Variants in ST6GAL2 observed in about 807,000 individuals in gnomAD.
ST6GAL2 encodes the protein ST6 beta-galactoside alpha-2,6-sialyltransferase 2, also known as beta-galactoside alpha-2,6-sialyltransferase 2.
In ST6GAL2, 24 loss-of-function variants were observed where a neutral mutation model predicts 37.5. The observed-to-expected ratio is 0.64, with a 90% CI of 0.46 to 0.90. ST6GAL2 has a LOEUF of 0.90. Among genes scored for constraint, ST6GAL2 ranks in the 40% least tolerant of loss-of-function variants. ST6GAL2 has a pLI of 0.00. For missense variants in ST6GAL2, 715 were observed against 712.7 expected, an observed-to-expected ratio of 1.00 and a Z score of -0.04; for synonymous variants, 306 against 295.1, an observed-to-expected ratio of 1.04 and a Z score of -0.38.
intron 2 of ST6GAL2, among the ~76,000 whole-genome samples, chr2:106,836,905 T>C (rs1484036280): frequency 1.2e-4 from 16 of 136,580 alleles, no homozygotes; most frequent in Admixed American, 5.6e-4. Context: ...GATTGCACCA[T>C]TACACTACAA....
chr2:106,879,982 CAT>C (rs1349950189), intron 1 of ST6GAL2, among the ~76,000 whole-genome samples: 7 of 148,382 alleles, frequency 4.7e-5, no homozygotes, highest in Non-Finnish European at 1.0e-4. Context: ...ATTATATACA[CAT>C]ATAGACCAAT....
At chr2:106,857,856 G>A (rs530945166) in intron 1 of ST6GAL2, among the ~76,000 whole-genome samples, 18 of 152,220 alleles carry the variant, frequency 1.2e-4, no homozygotes, top group Admixed American at 2.0e-4. Flanking sequence ...ACAATGCCTC[G>A]CTGCTGACAA....
At chr2:106,817,806 A>C (rs1675858146) in intron 5 of ST6GAL2, among the ~76,000 whole-genome samples, 1 of 152,190 alleles carries the variant, frequency 6.6e-6, no homozygotes, top group South Asian at 2.1e-4. Context: ...CTCACACAGC[A>C]CTTCTTGACC....
chr2:106,830,190 A>C lies in ST6GAL2; in HGVS notation c.1194T>G (p.Arg398=). The change falls in exon 5 of 6, where the codon CGT becomes CGG. Residue 398 remains arginine (R), a synonymous_variant. Transcript: ENST00000409382. ...YNLFTPYIQH[R]QRNPNQPFYI... ...AAAATGGCTGATTTGGGTTTCTCTG[A>C]CGATGCTGAATATATGGAGTGAACA... 1.9e-6 allele frequency: 3 copies of C among 1,613,866 alleles called. No homozygotes were observed. Among genetic ancestry groups the C allele is most frequent in the South Asian group, 2.2e-5 (2 of 91,082 alleles).
chr2:106,883,452 A>C (rs1678833070), intron 1 of ST6GAL2, among the ~76,000 whole-genome samples: 1 of 152,196 alleles, frequency 6.6e-6, no homozygotes, highest in Non-Finnish European at 1.5e-5. Flanking sequence ...TGATATCAAA[A>C]ATTGGTGTAA....
At chr2:106,829,473 G>C (rs1167031660) in intron 5 of ST6GAL2, among the ~76,000 whole-genome samples, 1 of 152,186 alleles carries the variant, frequency 6.6e-6, no homozygotes, top group Non-Finnish European at 1.5e-5. Context: ...CAGCTGAGCT[G>C]GGCCTTTAGC....
intron 1 of ST6GAL2, among the ~76,000 whole-genome samples, chr2:106,879,449 C>A (rs1442042899): frequency 1.3e-5 from 2 of 152,060 alleles, no homozygotes; most frequent in Non-Finnish European, 2.9e-5. Flanking sequence ...CTTAAAGGCA[C>A]CCCATGAATG....
intron 1 of ST6GAL2, among the ~76,000 whole-genome samples, chr2:106,884,138 A>C (rs904326255): frequency 3.9e-5 from 6 of 152,254 alleles, no homozygotes; most frequent in African/African-American, 1.2e-4. Flanking sequence ...GGGGGGTGGA[A>C]CCTCCAGAAA....
At position 106,832,580 on chromosome 2, in the gene ST6GAL2, G is replaced by A. The variant is rs201484010; in HGVS notation, c.1128C>T (p.Ser376=). The A allele has an allele frequency of 8.6e-5, 136 of 1,581,976 alleles. 1 individual carries two copies. Among genetic ancestry groups the A allele is most frequent in the Non-Finnish European group, 1.0e-4 (121 of 1,164,784 alleles). The part of the protein sequence containing the change: ...ILVAWDPAPY[S]ANLNLWYKKP... ...AAACACTTACCAGGTTAAGATTTGCGGAATATGGGGCAGGGTCCCAGGCCA... is the reference window on the plus strand; with the variant it reads ...AAACACTTACCAGGTTAAGATTTGCAGAATATGGGGCAGGGTCCCAGGCCA... The change falls in exon 4 of 6, where the codon TCC becomes TCT. Residue 376 remains serine, a synonymous_variant. Transcript: ENST00000409382.
At chr2:106,857,029 A>T (rs185842383) in intron 1 of ST6GAL2, among the ~76,000 whole-genome samples, 58 of 152,296 alleles carry the variant, frequency 3.8e-4, no homozygotes, top group Admixed American at 1.1e-3. Context: ...AAAGTCATAG[A>T]CAGGTAAGCA....
intron 5 of ST6GAL2, among the ~76,000 whole-genome samples, chr2:106,828,728 G>A (rs889970026): frequency 6.6e-6 from 1 of 152,030 alleles, no homozygotes; most frequent in Non-Finnish European, 1.5e-5. Context: ...ATTAAAACTG[G>A]GGAAGAGAAC....
At chr2:106,879,755 C>T (rs1678665915) in intron 1 of ST6GAL2, among the ~76,000 whole-genome samples, 1 of 146,936 alleles carries the variant, frequency 6.8e-6, no homozygotes. Flanking sequence ...ATTATATATA[C>T]ATATAGACCA....
At chr2:106,840,181 T>G (rs1676818809) in intron 2 of ST6GAL2, among the ~76,000 whole-genome samples, 1 of 152,196 alleles carries the variant, frequency 6.6e-6, no homozygotes, top group Non-Finnish European at 1.5e-5. Context: ...TGCCTTCAAT[T>G]TTTCATAAGA....
chr2:106,849,516 C>T (rs981706816), intron 1 of ST6GAL2, among the ~76,000 whole-genome samples: 3 of 152,190 alleles, frequency 2.0e-5, no homozygotes, highest in Admixed American at 6.5e-5. Flanking sequence ...AAATATATTT[C>T]TTTGACATAT....
intron 1 of ST6GAL2, among the ~76,000 whole-genome samples, chr2:106,867,603 C>CT (rs377253295): frequency 1.2e-3 from 186 of 151,516 alleles, no homozygotes; most frequent in African/African-American, 3.8e-3. Context: ...AGTCCTTCTG[C>CT]TTTTTTTTTC....
chr2:106,841,865 C>G (rs1486654359), intron 2 of ST6GAL2, among the ~76,000 whole-genome samples: 2 of 152,226 alleles, frequency 1.3e-5, no homozygotes, highest in Non-Finnish European at 2.9e-5. Flanking sequence ...TACTTGAAAA[C>G]TAGGAAGAAA....
chr2:106,874,756 C>G (rs1678430051), intron 1 of ST6GAL2, among the ~76,000 whole-genome samples: 1 of 152,186 alleles, frequency 6.6e-6, no homozygotes, highest in Non-Finnish European at 1.5e-5. Context: ...GTCACTGTTT[C>G]CATAAGGGCA....
chr2:106,809,796 G>A (rs1472670730), intron 5 of ST6GAL2, among the ~76,000 whole-genome samples: 1 of 152,118 alleles, frequency 6.6e-6, no homozygotes, highest in Non-Finnish European at 1.5e-5. Context: ...GAGGAACTAC[G>A]AGAAAAATGA....
intron 5 of ST6GAL2, among the ~76,000 whole-genome samples, chr2:106,826,514 T>A: frequency 6.9e-6 from 1 of 145,242 alleles, no homozygotes; most frequent in Non-Finnish European, 1.5e-5. Flanking sequence ...CACTCCAGCC[T>A]GAGTAACACA....
Sources: gnomAD v4.1 joint callset for allele counts (sites outside exome capture counted in the v4.1 genomes callset) on GRCh38, gnomAD v4.1.1 for gene constraint, MANE v1.5 for transcripts, NCBI Gene and HGNC (gene_info 2026-07-23, HGNC 2026-07-21) for gene names.